Variants in SGCZ observed in about 807,000 individuals in gnomAD.
SGCZ encodes the protein zeta-sarcoglycan.
A neutral mutation model predicts 41.3 loss-of-function variants in SGCZ; 40 were observed. The ratio of observed to expected loss-of-function variants is 0.97; its 90% confidence interval spans 0.75 to 1.26. SGCZ has a LOEUF of 1.26. SGCZ is among the 50% of genes most tolerant of loss of function. SGCZ has a pLI of 0.00. For synonymous variants in SGCZ, 206 were observed against 137.5 expected (o/e 1.50, Z -3.49); for missense variants, 552 against 369.8 (o/e 1.49, Z -4.04).
At chr8:14,095,247 T>C (rs749872957) in intron 7 of SGCZ, among the ~76,000 whole-genome samples, 9 of 152,186 alleles carry the variant, frequency 5.9e-5, no homozygotes, top group Non-Finnish European at 1.2e-4. Flanking sequence ...TCTAGGGTTT[T>C]ACGGTTTAGG....
chr8:14,448,373 G>A (rs573167024), intron 2 of SGCZ, among the ~76,000 whole-genome samples: 1 of 152,260 alleles, frequency 6.6e-6, no homozygotes, highest in South Asian at 2.1e-4. Flanking sequence ...ATTTCCTCTG[G>A]AGTAAACTGT....
In SGCZ at chr8:14,090,433, A is replaced by G. The variant is rs754110428; in HGVS notation, c.*10T>C. ...AAAGGCTATTCTGGTGTGAGGAGAA[A>G]TCAGTCACTTCAGCTCCACAGGCAG... On this transcript the variant is annotated 3_prime_UTR_variant, in exon 8 of 8. Coordinates refer to ENST00000382080, the MANE Select transcript of SGCZ (RefSeq NM_139167.4). 2 of 1,608,778 alleles carry G rather than the reference A, an allele frequency of 1.2e-6. No individual in the cohort carries two copies. The highest frequency in any genetic ancestry group is 2.2e-5 in the South Asian group (2 of 90,400).
At position 15,196,000 on chromosome 8, in the gene SGCZ, C is replaced by T. The variant is rs1001437563; in HGVS notation, c.39+41585G>A. Reference sequence around the variant, plus strand: ...GCAAGCTCCGCCTCCCGGGTTCACGCCATTCTCCTGCCTCAGCCTCCCGAG... The same window carrying T: ...GCAAGCTCCGCCTCCCGGGTTCACGTCATTCTCCTGCCTCAGCCTCCCGAG... On this transcript the variant is annotated intron_variant, in intron 1 of 7. Transcript: ENST00000382080. 2.7e-5 allele frequency among the ~76,000 whole-genome samples: 4 copies of T among 146,108 alleles called. 1 individual carries two copies. The highest frequency in any genetic ancestry group is 2.1e-4 in the Admixed American group (3 of 14,510).
At chr8:14,422,914 GCCAC>G (rs1180816189) in intron 2 of SGCZ, among the ~76,000 whole-genome samples, 12 of 152,052 alleles carry the variant, frequency 7.9e-5, no homozygotes, top group Non-Finnish European at 1.6e-4. Context: ...TTTAGTCCCA[GCCAC>G]TTCAGGGACT....
chr8:14,471,906 C>G (rs1346095333), intron 2 of SGCZ, among the ~76,000 whole-genome samples: 1 of 151,860 alleles, frequency 6.6e-6, no homozygotes, highest in Non-Finnish European at 1.5e-5. Flanking sequence ...GAAATAATGA[C>G]AAATAAATAC....
chr8:14,781,171 G>A (rs779537926), intron 1 of SGCZ, among the ~76,000 whole-genome samples: 1 of 152,056 alleles, frequency 6.6e-6, no homozygotes, highest in Non-Finnish European at 1.5e-5. Flanking sequence ...TTTCTAAGCA[G>A]TTCTACCCCC....
At chr8:14,665,868 T>C (rs1510446) in intron 1 of SGCZ, among the ~76,000 whole-genome samples, 90,190 of 152,098 alleles carry the variant, frequency 0.59, 29,148 homozygotes, top group African/African-American at 0.84. Flanking sequence ...GACTATTAAG[T>C]GTCGATCGTC....
At chr8:14,238,742 G>A (rs866025712) in intron 3 of SGCZ, among the ~76,000 whole-genome samples, 87 of 151,888 alleles carry the variant, frequency 5.7e-4, no homozygotes, top group African/African-American at 2.0e-3. Context: ...ACAATATAAT[G>A]TTCTGGGGGG....
At chr8:14,152,806 A>G (rs1803751890) in intron 5 of SGCZ, among the ~76,000 whole-genome samples, 1 of 152,202 alleles carries the variant, frequency 6.6e-6, no homozygotes, top group African/African-American at 2.4e-5. Context: ...ATAATTAAAT[A>G]AACTGTGATA....
intron 1 of SGCZ, among the ~76,000 whole-genome samples, chr8:14,793,325 C>G (rs530647072): frequency 2.0e-5 from 3 of 152,172 alleles, no homozygotes; most frequent in Non-Finnish European, 4.4e-5. Flanking sequence ...ATCCAATTTT[C>G]ACATCATGAT....
At chr8:15,005,314 G>GT (rs1221878072) in intron 1 of SGCZ, among the ~76,000 whole-genome samples, 2 of 59,316 alleles carry the variant, frequency 3.4e-5, no homozygotes, top group Non-Finnish European at 7.1e-5. Context: ...CCCCTCCCCC[G>GT]TTTTTTTCTT....
chr8:14,577,187 G>A (rs1223825788), intron 1 of SGCZ, among the ~76,000 whole-genome samples: 1 of 152,132 alleles, frequency 6.6e-6, no homozygotes, highest in African/African-American at 2.4e-5. Context: ...ATTGTGTTAT[G>A]TGGACTTAGT....
At chr8:14,568,564 G>A (rs915500717) in intron 1 of SGCZ, among the ~76,000 whole-genome samples, 1 of 151,786 alleles carries the variant, frequency 6.6e-6, no homozygotes, top group Non-Finnish European at 1.5e-5. Flanking sequence ...CTCACCATAG[G>A]ATTATAAACT....
chr8:14,371,531 G>A (rs1055953670), intron 2 of SGCZ, among the ~76,000 whole-genome samples: 2 of 151,670 alleles, frequency 1.3e-5, no homozygotes, highest in South Asian at 4.2e-4. Context: ...AAAAAAAAGT[G>A]TTTCTATATT....
rs1265301530 is a variant in SGCZ, at chr8:14,246,378, T to C, written c.337-8699A>G. Among the ~76,000 whole-genome samples the C allele has an allele frequency of 2.0e-5, 3 of 151,046 alleles. No homozygotes were observed. The East Asian group carries it at 5.9e-4, about 30-fold the overall frequency. On this transcript the variant is annotated intron_variant, in intron 3 of 7. Coordinates refer to ENST00000382080, the MANE Select transcript of SGCZ (RefSeq NM_139167.4). ...ACCAATCACTGCATGTTCTCACTCA[T>C]AGGTGGGAATTGAATAATCAGAACA...
chr8:14,316,784 G>C (rs921679764), intron 3 of SGCZ, among the ~76,000 whole-genome samples: 8 of 147,116 alleles, frequency 5.4e-5, no homozygotes, highest in Non-Finnish European at 1.0e-4. Context: ...TACTTCCTTG[G>C]TATTCCTGTC....
chr8:14,934,614 T>C (rs989518390), intron 1 of SGCZ, among the ~76,000 whole-genome samples: 8 of 151,662 alleles, frequency 5.3e-5, no homozygotes, highest in African/African-American at 1.9e-4. Context: ...TGAGGATATA[T>C]TGAGAAACTT....
intron 1 of SGCZ, among the ~76,000 whole-genome samples, chr8:14,983,654 A>T (rs1056335764): frequency 1.3e-5 from 2 of 152,074 alleles, no homozygotes. Context: ...CTTGTCACTA[A>T]TTGTTAAATA....
chr8:14,533,654 G>T (rs1030722389), intron 2 of SGCZ, among the ~76,000 whole-genome samples: 5 of 151,852 alleles, frequency 3.3e-5, no homozygotes, highest in Non-Finnish European at 7.4e-5. Flanking sequence ...CTCTTTTCTG[G>T]TATTCAAGTG....
Sources: allele counts gnomAD v4.1 joint callset (sites outside exome capture counted in the v4.1 genomes callset), GRCh38; gene constraint gnomAD v4.1.1; transcripts MANE v1.5; gene names NCBI Gene and HGNC (gene_info 2026-07-23, HGNC 2026-07-21).